Variants in ABHD17B observed in about 807,000 individuals in gnomAD.
ABHD17B encodes the protein alpha/beta hydrolase domain-containing protein 17B.
In ABHD17B, 9 loss-of-function variants were observed where a neutral mutation model predicts 26.2. The ratio of observed to expected loss-of-function variants is 0.34; its 90% CI spans 0.21 to 0.60. The LOEUF is 0.60. Among genes scored for constraint, ABHD17B ranks in the 20% least tolerant of loss-of-function variants. ABHD17B has a pLI of 0.80. For synonymous variants in ABHD17B, 127 were observed against 122.3 expected (o/e 1.04, Z -0.25); for missense variants, 224 against 352.1 (o/e 0.64, Z 2.91).
intron 1 of ABHD17B, among the ~76,000 whole-genome samples, chr9:71,905,419 C>A (rs1589234043): frequency 6.6e-6 from 1 of 152,078 alleles, no homozygotes; most frequent in East Asian, 1.9e-4. Context: ...CAATGAGGTA[C>A]CATTTCATAC....
At chr9:71,886,830 T>G (rs1462249627) in intron 1 of ABHD17B, among the ~76,000 whole-genome samples, 2 of 152,150 alleles carry the variant, frequency 1.3e-5, no homozygotes, top group Non-Finnish European at 2.9e-5. Flanking sequence ...ACAAACTGGA[T>G]GAACTGCATG....
At chr9:71,877,373 C>A (rs570290675) in intron 1 of ABHD17B, among the ~76,000 whole-genome samples, 9 of 152,308 alleles carry the variant, frequency 5.9e-5, no homozygotes, top group African/African-American at 2.2e-4. Context: ...GTAAATGGTA[C>A]GTATCTAGAC....
intron 1 of ABHD17B, among the ~76,000 whole-genome samples, chr9:71,885,287 A>T (rs1826572553): frequency 6.6e-6 from 1 of 151,874 alleles, no homozygotes; most frequent in South Asian, 2.1e-4. Context: ...TCTACTAAAA[A>T]AATAATAATA....
intron 1 of ABHD17B, among the ~76,000 whole-genome samples, chr9:71,875,480 C>T (rs761587190): frequency 2.6e-5 from 4 of 152,176 alleles, no homozygotes; most frequent in Non-Finnish European, 4.4e-5. Context: ...CCACCTCGGC[C>T]TCCCAAAGTG....
intron 1 of ABHD17B, among the ~76,000 whole-genome samples, chr9:71,898,071 GAAC>G (rs775954542): frequency 2.6e-5 from 4 of 151,928 alleles, no homozygotes; most frequent in Non-Finnish European, 4.4e-5. Flanking sequence ...AAGAAAATAA[GAAC>G]AATATATTTA....
Position 71,866,451 on chromosome 9 carries a change from A to C in ABHD17B, c.*336T>G. 2.0e-6 allele frequency: 2 copies of C among 1,008,048 alleles called. No homozygotes were observed. The highest frequency in any genetic ancestry group is 2.4e-6 in the Non-Finnish European group (2 of 836,336). The allele number at this position is 1,008,048 out of a possible 1,614,324, so 62.4% of individuals were successfully genotyped here. On this transcript the variant is annotated 3_prime_UTR_variant, in exon 4 of 4. Transcript: ENST00000333421. ...TAATATATTGAGATGTTTTAAAAATATTTATAAATTTGTTTCTAGTATGCA... is the reference window on the plus strand; with the variant it reads ...TAATATATTGAGATGTTTTAAAAATCTTTATAAATTTGTTTCTAGTATGCA...
intron 2 of ABHD17B, among the ~76,000 whole-genome samples, chr9:71,872,506 A>T (rs376719332): frequency 2.6e-5 from 4 of 152,176 alleles, no homozygotes; most frequent in African/African-American, 9.6e-5. Flanking sequence ...GAATACTAAC[A>T]TGTTTTGTTT....
At chr9:71,903,883 C>A (rs1827212016) in intron 1 of ABHD17B, among the ~76,000 whole-genome samples, 1 of 152,136 alleles carries the variant, frequency 6.6e-6, no homozygotes, top group Admixed American at 6.6e-5. Context: ...CTTGTTATAT[C>A]TTTTAATCTT....
intron 1 of ABHD17B, among the ~76,000 whole-genome samples, chr9:71,878,280 G>T (rs1195379861): frequency 6.6e-6 from 1 of 152,150 alleles, no homozygotes; most frequent in Non-Finnish European, 1.5e-5. Flanking sequence ...AAAAGATCAG[G>T]TTGAGTAATT....
chr9:71,886,606 G>A (rs1052606863), intron 1 of ABHD17B, among the ~76,000 whole-genome samples: 1 of 151,950 alleles, frequency 6.6e-6, no homozygotes, highest in African/African-American at 2.4e-5. Flanking sequence ...TGCACCCTCC[G>A]CCTCCCAGGC....
chr9:71,885,504 GC>G (rs1395522334), intron 1 of ABHD17B, among the ~76,000 whole-genome samples: 5 of 150,566 alleles, frequency 3.3e-5, no homozygotes, highest in Admixed American at 3.3e-4. Context: ...TAAACAGATG[GC>G]CCATTGTGAA....
chr9:71,896,812 T>C (rs549607947), intron 1 of ABHD17B, among the ~76,000 whole-genome samples: 2 of 152,040 alleles, frequency 1.3e-5, no homozygotes, highest in East Asian at 3.9e-4. Flanking sequence ...ATAGAGAAAA[T>C]TGATTAAACC....
chr9:71,896,905 C>G (rs1826974682), intron 1 of ABHD17B, among the ~76,000 whole-genome samples: 1 of 152,174 alleles, frequency 6.6e-6, no homozygotes, highest in Admixed American at 6.5e-5. Context: ...AATGTCATTT[C>G]TCTCTTCTAG....
At chr9:71,863,310 A>T (rs1032243989), downstream of ABHD17B, among the ~76,000 whole-genome samples, 10 of 152,218 alleles carry the variant, frequency 6.6e-5, no homozygotes, top group African/African-American at 2.2e-4. Flanking sequence ...TTCACATTAC[A>T]TTAGAAATGT....
chr9:71,893,366 T>A (rs1176232899), intron 1 of ABHD17B, among the ~76,000 whole-genome samples: 1 of 152,216 alleles, frequency 6.6e-6, no homozygotes, highest in Non-Finnish European at 1.5e-5. Context: ...TGCTTCTGAC[T>A]AACTGGCTAT....
chr9:71,877,283 T>G (rs1826304865), intron 1 of ABHD17B, among the ~76,000 whole-genome samples: 1 of 152,222 alleles, frequency 6.6e-6, no homozygotes, highest in Admixed American at 6.5e-5. Context: ...TTAATATCTG[T>G]CTATGGTTAT....
intron 1 of ABHD17B, among the ~76,000 whole-genome samples, chr9:71,908,329 T>C (rs1827344862): frequency 6.8e-6 from 1 of 147,948 alleles, no homozygotes; most frequent in African/African-American, 2.5e-5. Context: ...GAAGCAGAGG[T>C]TGCAGTGAGC....
chr9:71,884,587 T>A (rs1356686753), intron 1 of ABHD17B, among the ~76,000 whole-genome samples: 1 of 150,758 alleles, frequency 6.6e-6, no homozygotes, highest in African/African-American at 2.4e-5. Context: ...GGTACATATG[T>A]CAGAGTATAT....
chr9:71,891,377 T>C (rs951910270), intron 1 of ABHD17B, among the ~76,000 whole-genome samples: 2 of 152,208 alleles, frequency 1.3e-5, no homozygotes, highest in African/African-American at 4.8e-5. Flanking sequence ...TTTACTTAGC[T>C]CAGATAATTT....
Sources: allele counts gnomAD v4.1 joint callset (sites outside exome capture counted in the v4.1 genomes callset), GRCh38; gene constraint gnomAD v4.1.1; transcripts MANE v1.5; gene names NCBI Gene and HGNC (gene_info 2026-07-23, HGNC 2026-07-21).